The following SYBU variants were observed in gnomAD, a reference collection of about 807,000 sequenced individuals.
The protein encoded by SYBU is GOLSYN A protein.
Under a neutral mutation model 35.9 loss-of-function variants are expected in SYBU, and 21 were observed. The observed-to-expected ratio is 0.58, with a 90% CI of 0.41 to 0.84. The LOEUF (loss-of-function observed/expected upper bound fraction) is 0.84. SYBU is among the 40% of genes least tolerant of loss of function. The pLI is 0.00. For missense variants in SYBU, 768 were observed against 848.2 expected (o/e 0.91, Z 1.17); for synonymous variants, 319 against 324.3 (o/e 0.98, Z 0.18).
At chr8:109,651,460 T>G (rs966964452) in intron 1 of SYBU, among the ~76,000 whole-genome samples, 21 of 134,796 alleles carry the variant, frequency 1.6e-4, no homozygotes, top group African/African-American at 5.6e-4. Flanking sequence ...TTTTTTTTTT[T>G]TTTTTTTTTT....
intron 2 of SYBU, 80 bp downstream of exon 2, chr8:109,642,648 G>A: frequency 1.1e-6 from 1 of 916,542 alleles, no homozygotes; most frequent in East Asian, 2.8e-5. Context: ...AGGCTATAAG[G>A]GACCCAGTAT....
At chr8:109,663,306 T>C (rs998175916) in intron 1 of SYBU, among the ~76,000 whole-genome samples, 3 of 151,944 alleles carry the variant, frequency 2.0e-5, no homozygotes, top group African/African-American at 4.8e-5. Context: ...GATAGGTAGA[T>C]AGATACCAAT....
At chr8:109,678,310 G>T (rs1426673524) in intron 1 of SYBU, among the ~76,000 whole-genome samples, 1 of 151,502 alleles carries the variant, frequency 6.6e-6, no homozygotes, top group Non-Finnish European at 1.5e-5. Context: ...TTTATGTCAT[G>T]TCCCATAACT....
At position 109,623,027 on chromosome 8, in the gene SYBU, GCGCGCA is replaced by G. The variant is rs1812606273; in HGVS notation, c.230-3994_230-3989del. The stretch of plus-strand genomic sequence containing the variant: ...GAATTTACATCACAGGAGCGTGCGC[GCGCGCA>G]CACACACACACACACAAACGCACAC... On this transcript the variant is annotated intron_variant, in intron 2 of 6. Transcript: ENST00000276646. Among the ~76,000 whole-genome samples the G allele has an allele frequency of 2.2e-5, 3 of 136,658 alleles. No individual in the cohort carries two copies. The South Asian group carries it at 7.5e-4, about 34-fold the overall frequency. The allele number at this position is 136,658 out of a possible 152,430, so 89.7% of individuals were successfully genotyped here.
chr8:109,579,662 T>C (rs532525436), intron 5 of SYBU, 137 bp downstream of exon 5: 2 of 776,482 alleles, frequency 2.6e-6, no homozygotes, highest in East Asian at 2.7e-5. Flanking sequence ...ATGAGCCGAA[T>C]GTGGGAAAGA....
chr8:109,600,351 T>C (rs181779044), intron 3 of SYBU, among the ~76,000 whole-genome samples: 2 of 152,316 alleles, frequency 1.3e-5, no homozygotes, highest in East Asian at 3.9e-4. Flanking sequence ...CTTCCACTCC[T>C]ACTTCCAGCC....
intron 3 of SYBU, chr8:109,586,448 A>C: frequency 2.6e-6 from 1 of 386,546 alleles, no homozygotes; most frequent in Non-Finnish European, 4.7e-6. Context: ...TGCATCAAGA[A>C]ATGCACTGTT....
upstream of SYBU, among the ~76,000 whole-genome samples, chr8:109,648,259 A>ATATATAT (rs1815908720): frequency 7.7e-6 from 1 of 129,748 alleles, no homozygotes; most frequent in African/African-American, 3.9e-5. Context: ...ATATATATAC[A>ATATATAT]ATAATATATA....
intron 2 of SYBU, among the ~76,000 whole-genome samples, chr8:109,642,388 T>C (rs1814997920): frequency 6.6e-6 from 1 of 152,132 alleles, no homozygotes; most frequent in South Asian, 2.1e-4. Context: ...GGCATGTGTA[T>C]ACTTATGTAA....
chr8:109,654,957 C>A (rs28637942), intron 1 of SYBU, among the ~76,000 whole-genome samples: 8,071 of 152,230 alleles, frequency 0.053, 568 homozygotes, highest in African/African-American at 0.16. Context: ...ACACTTGTCC[C>A]GTTCAGTTCA....
chr8:109,644,093 C>T (rs1243535876), intron 1 of SYBU: 25 of 456,806 alleles, frequency 5.5e-5, no homozygotes, highest in Non-Finnish European at 4.4e-6. Flanking sequence ...GGGAGGCCGG[C>T]ACATGGCATA....
upstream of SYBU, among the ~76,000 whole-genome samples, chr8:109,649,455 A>G (rs765198478): frequency 3.3e-5 from 5 of 152,328 alleles, no homozygotes; most frequent in South Asian, 1.0e-3. Context: ...AACCTGAGGC[A>G]GGCCATGCTT....
In SYBU at chr8:109,597,553, GA is replaced by G. The variant is rs1285729931; in HGVS notation, c.428-11392del. On this transcript the variant is annotated intron_variant, in intron 3 of 6. Coordinates refer to ENST00000276646, the MANE Select transcript of SYBU (RefSeq NM_001099754.2). The stretch of plus-strand genomic sequence containing the variant: ...GGTAAAATGGTAAAACCCCATCTCT[GA>G]AAAAAAAAAAATTAGCCAGGCATGG... Among the ~76,000 whole-genome samples the G allele has an allele frequency of 3.3e-3, 473 of 144,256 alleles. 2 individuals carry two copies. Among genetic ancestry groups the G allele is most frequent in the African/African-American group, 0.01 (400 of 39,640 alleles). 94.6% of individuals were successfully genotyped at this position (144,256 alleles called of 152,430 possible). A position where few individuals can be genotyped will look rare whatever the true frequency, so the allele number is the denominator to read the frequency against.
At chr8:109,673,647 C>T (rs1406647307) in intron 1 of SYBU, among the ~76,000 whole-genome samples, 2 of 152,096 alleles carry the variant, frequency 1.3e-5, no homozygotes, top group Non-Finnish European at 2.9e-5. Context: ...CACAACTCCT[C>T]GCCAGCAAGG....
chr8:109,595,458 T>C (rs1330823123), intron 3 of SYBU, among the ~76,000 whole-genome samples: 1 of 152,224 alleles, frequency 6.6e-6, no homozygotes, highest in African/African-American at 2.4e-5. Flanking sequence ...AGAGCTGTTA[T>C]CTCCACATCA....
intron 2 of SYBU, among the ~76,000 whole-genome samples, chr8:109,624,447 C>G (rs900460622): frequency 1.3e-5 from 2 of 152,154 alleles, no homozygotes; most frequent in African/African-American, 4.8e-5. Context: ...GATGGAATAA[C>G]AGAAATAGAA....
At chr8:109,618,253 T>G (rs1044784119) in intron 3 of SYBU, among the ~76,000 whole-genome samples, 1 of 152,254 alleles carries the variant, frequency 6.6e-6, no homozygotes, top group African/African-American at 2.4e-5. Flanking sequence ...TGACCTTTTC[T>G]GATGCTGCTG....
In SYBU at chr8:109,575,149, C is replaced by T; in HGVS notation, c.1749G>A (p.Val583=). 1 of 1,614,220 alleles carries T rather than the reference C, an allele frequency of 6.2e-7. No homozygotes were observed. Among genetic ancestry groups the T allele is most frequent in the Admixed American group, 1.7e-5 (1 of 60,028 alleles). Residue 583 remains valine, a synonymous_variant, in exon 7 of 7, where the codon GTG becomes GTA. Transcript: ENST00000276646. ...GGATGACACCATCCAACCTCTCTTC[C>T]ACGCAGGCTGCAAAATCCAGCTCTC... ...LMRELDFAAC[V]EERLDGVIPL... is the part of the protein sequence containing the mutation.
At chr8:109,631,230 T>C (rs867231396) in intron 2 of SYBU, among the ~76,000 whole-genome samples, 3 of 152,110 alleles carry the variant, frequency 2.0e-5, no homozygotes, top group Non-Finnish European at 2.9e-5. Context: ...TTTTTCTTTA[T>C]AGATGGGGAG....
Sources: gnomAD v4.1 joint callset for allele counts (sites outside exome capture counted in the v4.1 genomes callset) on GRCh38, gnomAD v4.1.1 for gene constraint, MANE v1.5 for transcripts, NCBI Gene and HGNC (gene_info 2026-07-23, HGNC 2026-07-21) for gene names.